Variants in NBEAL1 observed in about 807,000 individuals in gnomAD.
NBEAL1 encodes the protein neurobeachin-like protein 1.
Under a neutral mutation model 351.3 loss-of-function variants are expected in NBEAL1, and 273 were observed. That is an observed-to-expected ratio of 0.78 (90% CI 0.70 to 0.86). NBEAL1 has a LOEUF of 0.86. NBEAL1 is among the 40% of genes least tolerant of loss of function. The probability of loss-of-function intolerance (pLI) is 0.00; values close to 1 mark genes in which losing one functional copy is unlikely to be tolerated. For missense variants in NBEAL1, 2,961 were observed against 3,201.3 expected (o/e 0.92, Z 1.81); for synonymous variants, 1,050 against 1,086.4 (o/e 0.97, Z 0.66).
At chr2:203,168,547 C>T (rs760099398) in intron 38 of NBEAL1, among the ~76,000 whole-genome samples, 1 of 152,140 alleles carries the variant, frequency 6.6e-6, no homozygotes, top group Non-Finnish European at 1.5e-5. Context: ...CACGCTATTG[C>T]ACTCCAGCCT....
intron 10 of NBEAL1, among the ~76,000 whole-genome samples, chr2:203,097,096 T>C (rs1268227006): frequency 2.0e-5 from 3 of 152,156 alleles, no homozygotes; most frequent in Non-Finnish European, 4.4e-5. Flanking sequence ...AGAGAGATTG[T>C]GCAGGGAAAC....
At chr2:203,183,870 A>T (rs2064807325) in intron 44 of NBEAL1, among the ~76,000 whole-genome samples, 1 of 152,002 alleles carries the variant, frequency 6.6e-6, no homozygotes, top group Non-Finnish European at 1.5e-5. Context: ...TGAGGTCAGG[A>T]GTTCGGAGAT....
intron 36 of NBEAL1, among the ~76,000 whole-genome samples, chr2:203,165,092 C>G (rs1166736976): frequency 6.6e-6 from 1 of 152,060 alleles, no homozygotes; most frequent in East Asian, 1.9e-4. Flanking sequence ...AACTCCCGAC[C>G]TCAGGTGATC....
chr2:203,135,751 A>C lies in NBEAL1; in HGVS notation c.3888A>C (p.Leu1296Phe). 1 of 1,589,262 alleles carries C rather than the reference A, an allele frequency of 6.3e-7. No individual in the cohort carries two copies. Among genetic ancestry groups the C allele is most frequent in the African/African-American group, 1.3e-5 (1 of 74,730 alleles). Reference protein sequence around the residue: ...ISQQVGWQDTLVRLFLKAKFE... With the variant: ...ISQQVGWQDTFVRLFLKAKFE... ...AGCAAGTGGGTTGGCAAGACACCTT[A>C]GTTAGGCTTTTTTTAAAAGCAAAAT... Residue 1296 changes from leucine to phenylalanine, a missense_variant, in exon 28 of 56, where the codon TTA becomes TTC. Coordinates refer to ENST00000683969, the MANE Select transcript of NBEAL1 (RefSeq NM_001378026.1).
intron 3 of NBEAL1, among the ~76,000 whole-genome samples, chr2:203,044,437 G>A (rs2061194166): frequency 6.6e-6 from 1 of 152,106 alleles, no homozygotes; most frequent in South Asian, 2.1e-4. Context: ...TTAAATGTTT[G>A]GAATATTAGA....
At chr2:203,043,728 C>CAAA (rs762609803) in intron 3 of NBEAL1, among the ~76,000 whole-genome samples, 1 of 63,032 alleles carries the variant, frequency 1.6e-5, no homozygotes, top group Non-Finnish European at 3.3e-5. Flanking sequence ...AACCCTGTCT[C>CAAA]AAAAAAAAAA....
intron 51 of NBEAL1, among the ~76,000 whole-genome samples, chr2:203,208,119 CA>C (rs926395025): frequency 1.3e-5 from 2 of 151,758 alleles, no homozygotes; most frequent in South Asian, 4.2e-4. Context: ...CTCATCTCTA[CA>C]AAAAAATGTT....
Position 203,188,586 on chromosome 2 carries a change from G to A in NBEAL1, c.6820G>A (p.Glu2274Lys). Residue 2274 changes from glutamate (E) to lysine (K), a missense_variant, in exon 45 of 56, where the codon GAA becomes AAA. By Grantham distance (56) the Glu-to-Lys change is moderately conservative. Coordinates refer to ENST00000683969, the MANE Select transcript of NBEAL1 (RefSeq NM_001378026.1). Reference sequence around the variant, plus strand: ...CAACGTTTTCTATTATTGTAGTTATGAAGGTATAAATCTATACACTTTTTC... The same window carrying A: ...CAACGTTTTCTATTATTGTAGTTATAAAGGTATAAATCTATACACTTTTTC... ...ALNVFYYCSYEGAVDLDALTD... is the reference protein window; with the variant it reads ...ALNVFYYCSYKGAVDLDALTD... The A allele has an allele frequency of 6.4e-7, 1 of 1,560,776 alleles. No homozygotes were observed. Among genetic ancestry groups the A allele is most frequent in the Non-Finnish European group, 8.8e-7 (1 of 1,137,854 alleles).
At chr2:203,051,029 T>A (rs1046601132) in intron 4 of NBEAL1, among the ~76,000 whole-genome samples, 4 of 152,246 alleles carry the variant, frequency 2.6e-5, no homozygotes, top group African/African-American at 9.6e-5. Flanking sequence ...GTTTTATAAA[T>A]ATTTTATAAT....
intron 36 of NBEAL1, among the ~76,000 whole-genome samples, chr2:203,164,337 AT>A (rs761573962): frequency 2.6e-5 from 4 of 151,646 alleles, no homozygotes; most frequent in African/African-American, 7.3e-5. Context: ...TAGTTCAGTA[AT>A]TTTTTTTAGA....
At chr2:203,174,216 C>CAAAAAAAAAAAAAAAAAAA (rs10652390) in intron 41 of NBEAL1, among the ~76,000 whole-genome samples, 3 of 24,616 alleles carry the variant, frequency 1.2e-4, no homozygotes, top group Non-Finnish European at 1.7e-4. Context: ...TTTATACTAG[C>CAAAAAAAAAAAAAAAAAAA]AAAAAAAAAA....
At chr2:203,093,232 A>T (rs2062104625) in intron 10 of NBEAL1, among the ~76,000 whole-genome samples, 2 of 562 alleles carry the variant, frequency 3.6e-3, no homozygotes, top group East Asian at 0.038. Flanking sequence ...ACTCTGTCTA[A>T]AAAAAAAAAA....
rs561961014 is a variant in NBEAL1, at chr2:203,134,978, C to T, written c.3814-699C>T. ...ATCACAGGAGGTCAGGAGTTCGAGA[C>T]CAGCCTGGCCAACATGGTGAAACCC... is the stretch of plus-strand genomic sequence containing the variant. On this transcript the variant is annotated intron_variant, in intron 27 of 55. Coordinates refer to ENST00000683969, the MANE Select transcript of NBEAL1 (RefSeq NM_001378026.1). Among the ~76,000 whole-genome samples the T allele has an allele frequency of 1.1e-4, 16 of 152,182 alleles. No homozygotes were observed. The South Asian group carries it at 3.3e-3, about 32-fold the overall frequency.
rs1306584304 is a variant in NBEAL1, at chr2:203,217,947, ATCTATT to A, written c.*594_*599del. On this transcript the variant is annotated 3_prime_UTR_variant, in exon 56 of 56. Coordinates refer to ENST00000683969, the MANE Select transcript of NBEAL1 (RefSeq NM_001378026.1). ...GTGTTTCTAATGAGAAGTTACTGAA[ATCTATT>A]ACTGTCCTTAATAAAAATTGAGTAG... The A allele has an allele frequency of 4.2e-6, 4 of 944,852 alleles. No individual in the cohort carries two copies. The highest frequency in any genetic ancestry group is 6.2e-5 in the Admixed American group (1 of 16,218). 58.5% of individuals were successfully genotyped at this position (944,852 alleles called of 1,614,324 possible). A position where few individuals can be genotyped will look rare whatever the true frequency, so the allele number is the denominator to read the frequency against.
intron 19 of NBEAL1, among the ~76,000 whole-genome samples, chr2:203,123,839 T>C (rs1331311996): frequency 6.6e-6 from 1 of 152,218 alleles, no homozygotes; most frequent in African/African-American, 2.4e-5. Context: ...ATGTGGATTA[T>C]TAACTAGTTA....
chr2:203,056,355 C>A, intron 4 of NBEAL1, 72 bp from the exon 5 acceptor site: 1 of 814,372 alleles, frequency 1.2e-6, no homozygotes, highest in Admixed American at 2.2e-5. Flanking sequence ...TCTCATAATT[C>A]AAGCTGAATT....
chr2:203,190,731 T>G, intron 46 of NBEAL1: 1 of 1,580,344 alleles, frequency 6.3e-7, no homozygotes, highest in South Asian at 1.1e-5. Context: ...GGTGCAACTT[T>G]CTTCGGTCGT....
At chr2:203,085,327 A>T (rs895021099) in intron 10 of NBEAL1, 1 of 152,220 alleles carries the variant, frequency 6.6e-6, no homozygotes, top group African/African-American at 2.4e-5. Context: ...TGACCTTGTG[A>T]TCTGCCCACC....
At position 203,113,268 on chromosome 2, in the gene NBEAL1, T is replaced by A; in HGVS notation, c.2456T>A (p.Ile819Asn). 6.7e-7 allele frequency: 1 copy of A among 1,486,396 alleles called. No homozygotes were observed. Among genetic ancestry groups the A allele is most frequent in the Non-Finnish European group, 9.0e-7 (1 of 1,116,712 alleles). The allele number at this position is 1,486,396 out of a possible 1,614,324, so 92.1% of individuals were successfully genotyped here. A position where few individuals can be genotyped will look rare whatever the true frequency, so the allele number is the denominator to read the frequency against. The change falls in exon 17 of 56, where the codon ATC (isoleucine) becomes AAC (asparagine). Residue 819 changes from isoleucine (I) to asparagine (N), a missense_variant. By Grantham distance (149) the Ile-to-Asn change is moderately radical (BLOSUM62 -3). Coordinates refer to ENST00000683969, the MANE Select transcript of NBEAL1 (RefSeq NM_001378026.1). Reference protein sequence around the residue: ...SLEGQLGSVIIFYEPLQPPQV... With the variant: ...SLEGQLGSVINFYEPLQPPQV... Reference sequence around the variant, plus strand: ...GAGGGTCAGCTAGGATCTGTTATCATCTTTTATGAACCACTACAACCTCCT... The same window carrying A: ...GAGGGTCAGCTAGGATCTGTTATCAACTTTTATGAACCACTACAACCTCCT...
Sources: gnomAD v4.1 joint callset for allele counts (sites outside exome capture counted in the v4.1 genomes callset) on GRCh38, gnomAD v4.1.1 for gene constraint, MANE v1.5 for transcripts, NCBI Gene and HGNC (gene_info 2026-07-23, HGNC 2026-07-21) for gene names.